ABCG2: variants seen among roughly 807,000 people sequenced by gnomAD.
The protein encoded by ABCG2 is ATP binding cassette subfamily G member 2 (JR blood group), also known as broad substrate specificity ATP-binding cassette transporter ABCG2.
Under a neutral mutation model 73.5 loss-of-function variants are expected in ABCG2, and 80 were observed. The observed-to-expected ratio is 1.09, with a 90% CI of 0.91 to 1.31. The LOEUF (loss-of-function observed/expected upper bound fraction) is 1.31, where lower values mean the gene tolerates loss of function less well. Among genes scored for constraint, ABCG2 ranks in the 50% most tolerant of loss-of-function variants. The pLI is 0.00. For synonymous variants in ABCG2, 269 were observed against 282.4 expected (o/e 0.95, Z 0.48); for missense variants, 796 against 786.2 (o/e 1.01, Z -0.15).
At chr4:88,209,957 C>T (rs950729490) in intron 1 of ABCG2, among the ~76,000 whole-genome samples, 7 of 152,082 alleles carry the variant, frequency 4.6e-5, no homozygotes, top group African/African-American at 1.7e-4. Context: ...TGACTGAATA[C>T]GTTTTTTGCT....
intron 1 of ABCG2, among the ~76,000 whole-genome samples, chr4:88,173,977 C>G (rs1727857193): frequency 6.6e-6 from 1 of 152,202 alleles, no homozygotes; most frequent in Admixed American, 6.5e-5. Context: ...CTCACACTCT[C>G]TTATTTCCCC....
chr4:88,157,296 A>G (rs1024142254), intron 1 of ABCG2, among the ~76,000 whole-genome samples: 1 of 152,230 alleles, frequency 6.6e-6, no homozygotes, highest in South Asian at 2.1e-4. Context: ...TGAAAAAACA[A>G]TGAAAGGCTG....
intron 1 of ABCG2, among the ~76,000 whole-genome samples, chr4:88,198,042 A>G (rs1729006141): frequency 6.6e-6 from 1 of 150,840 alleles, no homozygotes; most frequent in South Asian, 2.1e-4. Context: ...AAAAAAAAAA[A>G]AAAATCGTTT....
intron 1 of ABCG2, among the ~76,000 whole-genome samples, chr4:88,192,565 G>C (rs1225942863): frequency 6.7e-6 from 1 of 148,866 alleles, no homozygotes; most frequent in African/African-American, 2.5e-5. Flanking sequence ...AATTATAGGC[G>C]CCCACCACCA....
upstream of ABCG2, chr4:88,163,523 GA>G (rs1727395597): frequency 1.2e-5 from 2 of 169,686 alleles, no homozygotes; most frequent in Non-Finnish European, 2.5e-5. Context: ...AATTAGAAAA[GA>G]AAAGGAAACT....
chr4:88,220,316 G>C (rs1729968253), intron 1 of ABCG2, among the ~76,000 whole-genome samples: 1 of 151,946 alleles, frequency 6.6e-6, no homozygotes. Flanking sequence ...AGTTCTTTTG[G>C]GTATATATCT....
chr4:88,117,523 G>A (rs756970918), intron 7 of ABCG2, among the ~76,000 whole-genome samples: 6 of 152,028 alleles, frequency 3.9e-5, no homozygotes, highest in Non-Finnish European at 8.8e-5. Flanking sequence ...TGCAGTCCCA[G>A]CTACTCAGGA....
chr4:88,166,583 A>G (rs1228946729), intron 1 of ABCG2, among the ~76,000 whole-genome samples: 2 of 152,222 alleles, frequency 1.3e-5, no homozygotes, highest in Non-Finnish European at 2.9e-5. Flanking sequence ...AATATGAGAC[A>G]TAGAGCTCGC....
chr4:88,149,100 A>G (rs1470305394), intron 1 of ABCG2, among the ~76,000 whole-genome samples: 1 of 152,148 alleles, frequency 6.6e-6, no homozygotes, highest in Non-Finnish European at 1.5e-5. Flanking sequence ...CTGTAGACCT[A>G]GCTACTTGTG....
intron 9 of ABCG2, among the ~76,000 whole-genome samples, chr4:88,110,509 C>G (rs1254616115): frequency 6.6e-6 from 1 of 152,120 alleles, no homozygotes; most frequent in Non-Finnish European, 1.5e-5. Flanking sequence ...CACCACTGCA[C>G]TCCAGCCTGG....
intron 1 of ABCG2, among the ~76,000 whole-genome samples, chr4:88,168,740 A>G (rs549186517): frequency 6.6e-6 from 1 of 152,340 alleles, no homozygotes; most frequent in East Asian, 1.9e-4. Context: ...TATAACATAC[A>G]TAAGTCTTTT....
intron 1 of ABCG2, among the ~76,000 whole-genome samples, chr4:88,156,117 G>A (rs1490810748): frequency 6.6e-6 from 1 of 151,932 alleles, no homozygotes; most frequent in East Asian, 1.9e-4. Context: ...GCTCACACCT[G>A]TAATCCCAGC....
In ABCG2 at chr4:88,113,359, C is replaced by T. The variant is rs901995137; in HGVS notation, c.1138G>A (p.Val380Ile). The T allele has an allele frequency of 1.9e-6, 3 of 1,614,048 alleles. No individual in the cohort carries two copies. In the African/African-American group the frequency reaches 4.0e-5, roughly 22 times the overall value. Residue 380 changes from valine (V) to isoleucine (I), a missense_variant, in exon 9 of 16, where the codon GTT becomes ATT. Transcript: ENST00000237612. ...TTSFCHQLRW[V>I]SKRSFKNLLG... ...AAGTTTTTGAATGAACGCTTGGAAA[C>T]CCATCTGAGTTGATGACAGAAGGAG...
chr4:88,111,126 A>G (rs1280607728), intron 9 of ABCG2, among the ~76,000 whole-genome samples: 1 of 152,222 alleles, frequency 6.6e-6, no homozygotes, highest in Non-Finnish European at 1.5e-5. Context: ...CCTCTCCAGT[A>G]TTGCCACATA....
intron 2 of ABCG2, among the ~76,000 whole-genome samples, chr4:88,138,218 G>A (rs1354150338): frequency 6.6e-6 from 1 of 152,134 alleles, no homozygotes; most frequent in Non-Finnish European, 1.5e-5. Context: ...AGAGTATAAT[G>A]AATTTCTCTT....
chr4:88,095,480 CTTGGG>C, intron 14 of ABCG2, 35 bp downstream of exon 14: 2 of 1,539,416 alleles, frequency 1.3e-6, no homozygotes, highest in Non-Finnish European at 1.8e-6. Context: ...TTGTTCCTAG[CTTGGG>C]AATGCAGTCA....
intron 5 of ABCG2, among the ~76,000 whole-genome samples, chr4:88,127,222 T>A (rs989970218): frequency 3.9e-5 from 6 of 152,024 alleles, no homozygotes; most frequent in African/African-American, 1.2e-4. Flanking sequence ...ACAAAAGATG[T>A]GAAAAACCTC....
chr4:88,103,544 A>G (rs1428302871), intron 10 of ABCG2, among the ~76,000 whole-genome samples: 1 of 152,236 alleles, frequency 6.6e-6, no homozygotes, highest in Non-Finnish European at 1.5e-5. Flanking sequence ...AAGCTAATTA[A>G]CACATCCATC....
At chr4:88,221,655 G>A (rs1305460566) in intron 1 of ABCG2, among the ~76,000 whole-genome samples, 1 of 152,160 alleles carries the variant, frequency 6.6e-6, no homozygotes, top group East Asian at 1.9e-4. Flanking sequence ...TTGGGAACTG[G>A]AGTAAAGGTC....
Sources: allele counts gnomAD v4.1 joint callset (sites outside exome capture counted in the v4.1 genomes callset), GRCh38; gene constraint gnomAD v4.1.1; transcripts MANE v1.5; gene names NCBI Gene and HGNC (gene_info 2026-07-23, HGNC 2026-07-21).